The following GHR variants were observed in gnomAD, a reference collection of about 807,000 sequenced individuals.
GHR encodes the protein growth hormone receptor.
GHR carries 35 observed loss-of-function variants against 67.1 expected under a neutral mutation model. The observed-to-expected ratio is 0.52, with a 90% CI of 0.40 to 0.69. GHR has a LOEUF of 0.69. GHR is among the 30% of genes least tolerant of loss of function. GHR has a pLI of 0.00. For synonymous variants in GHR, 272 were observed against 269.1 expected (o/e 1.01, Z -0.10); for missense variants, 792 against 764.6 (o/e 1.04, Z -0.42).
chr5:42,699,561 G>C (rs1393639128), intron 5 of GHR, among the ~76,000 whole-genome samples: 2 of 152,060 alleles, frequency 1.3e-5, no homozygotes, highest in South Asian at 2.1e-4. Context: ...CAACATGGCA[G>C]ATCTTGTAAA....
At chr5:42,463,745 G>A (rs1187947580) in intron 1 of GHR, among the ~76,000 whole-genome samples, 1 of 151,996 alleles carries the variant, frequency 6.6e-6, no homozygotes, top group Non-Finnish European at 1.5e-5. Context: ...TGTAATCCCA[G>A]CACTTTGGGA....
chr5:42,515,069 T>C (rs1417796383), intron 1 of GHR: 1 of 152,208 alleles, frequency 6.6e-6, no homozygotes, highest in East Asian at 1.9e-4. Context: ...ATGCAGTGTC[T>C]TGAGCATAGT....
chr5:42,527,105 C>T (rs1041860619), intron 1 of GHR, among the ~76,000 whole-genome samples: 15 of 152,108 alleles, frequency 9.9e-5, no homozygotes, highest in Non-Finnish European at 1.6e-4. Context: ...GGAAAGACAG[C>T]TACCATCTAA....
intron 1 of GHR, among the ~76,000 whole-genome samples, chr5:42,521,977 T>A (rs1209745308): frequency 3.9e-5 from 6 of 152,194 alleles, no homozygotes; most frequent in Non-Finnish European, 5.9e-5. Flanking sequence ...GTGTTGGTTT[T>A]TCTCAGCTCA....
At chr5:42,655,736 A>G (rs571250583) in intron 3 of GHR, among the ~76,000 whole-genome samples, 1 of 150,286 alleles carries the variant, frequency 6.7e-6, no homozygotes, top group African/African-American at 2.5e-5. Flanking sequence ...GTCTACCGAA[A>G]TGAGACACTG....
In GHR at chr5:42,719,346, C is replaced by A. The variant is rs1220068702; in HGVS notation, c.1839C>A (p.Ala613=). The change falls in exon 10 of 10, where the codon GCC becomes GCA. Residue 613 remains alanine (A), a synonymous_variant. Coordinates refer to ENST00000230882, the MANE Select transcript of GHR (RefSeq NM_000163.5). The stretch of plus-strand genomic sequence containing the variant: ...AGGGCCTCATACTCAATGCGACTGC[C>A]TTGCCCTTGCCTGACAAAGAGTTTC... ...SPQGLILNAT[A]LPLPDKEFLS... The A allele has an allele frequency of 6.8e-6, 11 of 1,613,972 alleles. No homozygotes were observed. Among genetic ancestry groups the A allele is most frequent in the Non-Finnish European group, 9.3e-6 (11 of 1,179,816 alleles).
At chr5:42,482,928 G>A (rs746195127) in intron 1 of GHR, among the ~76,000 whole-genome samples, 21 of 152,126 alleles carry the variant, frequency 1.4e-4, no homozygotes, top group Non-Finnish European at 2.4e-4. Flanking sequence ...AGATGAACCC[G>A]GTACCTCAAT....
chr5:42,649,421 T>C (rs1242059385), intron 3 of GHR, among the ~76,000 whole-genome samples: 3 of 152,102 alleles, frequency 2.0e-5, no homozygotes, highest in Non-Finnish European at 2.9e-5. Context: ...ATAACAATGA[T>C]TAATTTAAGT....
intron 2 of GHR, among the ~76,000 whole-genome samples, chr5:42,573,783 T>C (rs1424116087): frequency 1.3e-5 from 2 of 152,218 alleles, no homozygotes; most frequent in Non-Finnish European, 2.9e-5. Context: ...ACTCTCAAGG[T>C]TAAAAGTCAA....
At chr5:42,553,533 C>T (rs1749149107) in intron 1 of GHR, among the ~76,000 whole-genome samples, 1 of 152,222 alleles carries the variant, frequency 6.6e-6, no homozygotes, top group Non-Finnish European at 1.5e-5. Context: ...GTCTCTCTGA[C>T]TTCCCCTTCT....
rs928169636 is a variant in GHR, at chr5:42,719,768, A to G, written c.*344A>G. ...GTAAATCACGCTTTTTGAAAAAGCG[A>G]AAAAATCAGGTGGCTTTTGCGGTTC... On this transcript the variant is annotated 3_prime_UTR_variant, in exon 10 of 10. Coordinates refer to ENST00000230882, the MANE Select transcript of GHR (RefSeq NM_000163.5). The G allele has an allele frequency of 3.3e-6, 1 of 304,102 alleles. No homozygotes were observed. The highest frequency in any genetic ancestry group is 2.2e-5 in the African/African-American group (1 of 46,456). 18.8% of individuals were successfully genotyped at this position (304,102 alleles called of 1,614,324 possible). A position where few individuals can be genotyped will look rare whatever the true frequency, so the allele number is the denominator to read the frequency against.
intron 3 of GHR, among the ~76,000 whole-genome samples, chr5:42,668,228 GGGGTA>G (rs1173349318): frequency 6.6e-6 from 1 of 152,114 alleles, no homozygotes; most frequent in Non-Finnish European, 1.5e-5. Context: ...GATAGGCAAG[GGGGTA>G]GGAGATATTG....
In GHR at chr5:42,719,363, A is replaced by C. The variant is rs1369422782; in HGVS notation, c.1856A>C (p.Lys619Thr). Residue 619 changes from lysine (K) to threonine (T), a missense_variant, in exon 10 of 10, where the codon AAA becomes ACA. Coordinates refer to ENST00000230882, the MANE Select transcript of GHR (RefSeq NM_000163.5). ...LNATALPLPD[K>T]EFLSSCGYVS... ...GCGACTGCCTTGCCCTTGCCTGACA[A>C]AGAGTTTCTCTCATCATGTGGCTAT... 1.9e-6 allele frequency: 3 copies of C among 1,614,016 alleles called. No homozygotes were observed. The highest frequency in any genetic ancestry group is 2.2e-5 in the South Asian group (2 of 91,090).
At chr5:42,471,654 A>T (rs1745017086) in intron 1 of GHR, among the ~76,000 whole-genome samples, 1 of 152,196 alleles carries the variant, frequency 6.6e-6, no homozygotes, top group Admixed American at 6.5e-5. Context: ...TTTCCTGAGG[A>T]TTAAATGATT....
At chr5:42,451,385 C>T (rs1473051592) in intron 1 of GHR, among the ~76,000 whole-genome samples, 1 of 147,938 alleles carries the variant, frequency 6.8e-6, no homozygotes, top group Non-Finnish European at 1.5e-5. Context: ...ATATAATGTC[C>T]CTCTTTGTCT....
At chr5:42,696,009 G>A (rs1038366412) in intron 5 of GHR, among the ~76,000 whole-genome samples, 1 of 152,228 alleles carries the variant, frequency 6.6e-6, no homozygotes, top group African/African-American at 2.4e-5. Flanking sequence ...ACTGTATCAA[G>A]CAGTAAAGAT....
rs187599553 is a variant in GHR, at chr5:42,482,959, G to A, written c.-12+59004G>A. Among the ~76,000 whole-genome samples, 76 of 152,254 alleles carry A rather than the reference G, an allele frequency of 5.0e-4. 2 individuals carry two copies. The highest frequency in any genetic ancestry group is 1.3e-3 in the African/African-American group (52 of 41,544). On this transcript the variant is annotated intron_variant, in intron 1 of 9. Coordinates refer to ENST00000230882, the MANE Select transcript of GHR (RefSeq NM_000163.5). Reference sequence around the variant, plus strand: ...TCAATTGGTAATGCAGAAATCACCCGTCTTCTGTGTCACTTATGCTAGGAG... The same window carrying A: ...TCAATTGGTAATGCAGAAATCACCCATCTTCTGTGTCACTTATGCTAGGAG...
chr5:42,678,499 G>A lies in GHR; in HGVS notation c.137-10391G>A, dbSNP rs536833243. On this transcript the variant is annotated intron_variant, in intron 3 of 9. Coordinates refer to ENST00000230882, the MANE Select transcript of GHR (RefSeq NM_000163.5). The stretch of plus-strand genomic sequence containing the variant: ...TAATTCACTAGGATAATCCCTGATC[G>A]CCATGCTGTCATAAAAAAACGTTAA... 5.3e-5 allele frequency among the ~76,000 whole-genome samples: 8 copies of A among 152,128 alleles called. No homozygotes were observed. The East Asian group carries it at 1.4e-3, about 26-fold the overall frequency.
chr5:42,596,306 G>GAA lies in GHR; in HGVS notation c.70+30372_70+30373dup, dbSNP rs796923762. Among the ~76,000 whole-genome samples the GAA allele has an allele frequency of 3.1e-3, 444 of 143,408 alleles. 6 individuals carry two copies. Among genetic ancestry groups the GAA allele is most frequent in the African/African-American group, 0.011 (423 of 39,208 alleles). 94.1% of individuals were successfully genotyped at this position (143,408 alleles called of 152,430 possible). A position where few individuals can be genotyped will look rare whatever the true frequency, so the allele number is the denominator to read the frequency against. On this transcript the variant is annotated intron_variant, in intron 2 of 9. Coordinates refer to ENST00000230882, the MANE Select transcript of GHR (RefSeq NM_000163.5). ...TGGGTTCCTACCTCCAAAGGAGATG[G>GAA]AAAAAAAAAAACAGGCAAGTAAATA...
Sources: gnomAD v4.1 joint callset for allele counts (sites outside exome capture counted in the v4.1 genomes callset) on GRCh38, gnomAD v4.1.1 for gene constraint, MANE v1.5 for transcripts, NCBI Gene and HGNC (gene_info 2026-07-23, HGNC 2026-07-21) for gene names.